Variants in KCNB2 observed in about 807,000 individuals in gnomAD.
KCNB2 encodes the protein potassium voltage-gated channel subfamily B member 2.
Under a neutral mutation model 61.5 loss-of-function variants are expected in KCNB2, and 15 were observed. The ratio of observed to expected loss-of-function variants is 0.24; its 90% CI spans 0.16 to 0.38. The LOEUF is 0.38. Among genes scored for constraint, KCNB2 ranks in the 10% least tolerant of loss-of-function variants. The pLI is 1.00. For synonymous variants in KCNB2, 457 were observed against 446.0 expected (o/e 1.02, Z -0.31); for missense variants, 828 against 1,125.2 (o/e 0.74, Z 3.78).
At chr8:72,819,971 T>C (rs777038035) in intron 2 of KCNB2, among the ~76,000 whole-genome samples, 66 of 152,266 alleles carry the variant, frequency 4.3e-4, no homozygotes, top group South Asian at 1.0e-3. Context: ...GGTTTTTTCC[T>C]GGCTCCCAAA....
chr8:72,889,635 C>T (rs1585954840), intron 2 of KCNB2, among the ~76,000 whole-genome samples: 1 of 151,988 alleles, frequency 6.6e-6, no homozygotes. Context: ...TGCAGTGAGC[C>T]AAGATCGTAC....
chr8:72,826,627 C>T (rs1809600481), intron 2 of KCNB2, among the ~76,000 whole-genome samples: 1 of 152,082 alleles, frequency 6.6e-6, no homozygotes, highest in East Asian at 1.9e-4. Context: ...AAATCTTTTC[C>T]TTTAGAGATT....
chr8:72,853,027 A>G (rs761182544), intron 2 of KCNB2, among the ~76,000 whole-genome samples: 3 of 152,274 alleles, frequency 2.0e-5, no homozygotes, highest in East Asian at 1.9e-4. Flanking sequence ...TTTCTATTCA[A>G]TTGTGTTGAA....
chr8:72,813,470 A>G (rs191054708), intron 2 of KCNB2, among the ~76,000 whole-genome samples: 69 of 152,288 alleles, frequency 4.5e-4, no homozygotes, highest in Admixed American at 1.4e-3. Context: ...GAAACAGTAA[A>G]GATTGTAAGG....
At chr8:72,698,280 AC>A (rs1387992943) in intron 2 of KCNB2, among the ~76,000 whole-genome samples, 1 of 152,116 alleles carries the variant, frequency 6.6e-6, no homozygotes, top group African/African-American at 2.4e-5. Flanking sequence ...ACACACACAC[AC>A]ACACAAATAC....
Position 72,623,979 on chromosome 8 carries a change from C to T in KCNB2, c.579+55666C>T, listed in dbSNP as rs536652600. 9.9e-5 allele frequency among the ~76,000 whole-genome samples: 15 copies of T among 152,194 alleles called. No homozygotes were observed. The South Asian group carries it at 1.9e-3, about 19-fold the overall frequency. ...CCCAGATGCTTGAGTGCTTCCTGAT[C>T]GGTGCATAAGCATGTGTTCATTAGT... On this transcript the variant is annotated intron_variant, in intron 2 of 2. Coordinates refer to ENST00000523207, the MANE Select transcript of KCNB2 (RefSeq NM_004770.3).
intron 2 of KCNB2, among the ~76,000 whole-genome samples, chr8:72,812,908 T>G (rs1809328535): frequency 6.6e-6 from 1 of 152,152 alleles, no homozygotes. Context: ...ATAAAGAAAT[T>G]TGGAAGCTTT....
intron 1 of KCNB2, among the ~76,000 whole-genome samples, chr8:72,565,265 CT>C (rs964583397): frequency 6.6e-6 from 1 of 151,984 alleles, no homozygotes; most frequent in Non-Finnish European, 1.5e-5. Flanking sequence ...TTTTCATTAC[CT>C]TGACTTATAT....
chr8:72,797,524 T>G (rs747956105), intron 2 of KCNB2, among the ~76,000 whole-genome samples: 6 of 152,230 alleles, frequency 3.9e-5, no homozygotes, highest in Non-Finnish European at 8.8e-5. Context: ...TTGATCAGTT[T>G]ATTTTTCCAC....
rs540366607 is a variant in KCNB2 at position 72,926,317 on chromosome 8, C to G, written c.580-9618C>G. ...AACCTAAAGTTCTTATTAGAATACTCTTTAACATGAGGAAATATTTTTTCC... is the reference window on the plus strand; with the variant it reads ...AACCTAAAGTTCTTATTAGAATACTGTTTAACATGAGGAAATATTTTTTCC... On this transcript the variant is annotated intron_variant, in intron 2 of 2. Coordinates refer to ENST00000523207, the MANE Select transcript of KCNB2 (RefSeq NM_004770.3). Among the ~76,000 whole-genome samples, 5 of 152,286 alleles carry G rather than the reference C, an allele frequency of 3.3e-5. No individual in the cohort carries two copies. The South Asian group carries it at 1.0e-3, about 32-fold the overall frequency.
At chr8:72,606,726 G>A (rs1302335232) in intron 2 of KCNB2, among the ~76,000 whole-genome samples, 1 of 152,144 alleles carries the variant, frequency 6.6e-6, no homozygotes, top group African/African-American at 2.4e-5. Context: ...GTCCCCACGG[G>A]GAAAAAGACC....
In KCNB2 at chr8:72,537,370, G is replaced by GCCCTCCGCCCTCCT. The variant is rs1806125945; in HGVS notation, c.-599_-598insTCCTCCCTCCGCCC. 1 of 147,612 alleles carries GCCCTCCGCCCTCCT rather than the reference G, an allele frequency of 6.8e-6. No homozygotes were observed. Among genetic ancestry groups the GCCCTCCGCCCTCCT allele is most frequent in the African/African-American group, 2.4e-5 (1 of 41,164 alleles). 9.1% of individuals were successfully genotyped at this position (147,612 alleles called of 1,614,324 possible). Reference sequence around the variant, plus strand: ...AAGCACCCACCGCCCTCCGCCCTCCGCCCTCCGCCCCCGCGGCCGCCGCCG... The same window carrying GCCCTCCGCCCTCCT: ...AAGCACCCACCGCCCTCCGCCCTCCGCCCTCCGCCCTCCTCCCTCCGCCCCCGCGGCCGCCGCCG... On this transcript the variant is annotated 5_prime_UTR_variant, in exon 1 of 3. Coordinates refer to ENST00000523207, the MANE Select transcript of KCNB2 (RefSeq NM_004770.3).
intron 2 of KCNB2, among the ~76,000 whole-genome samples, chr8:72,695,759 T>C (rs1807008550): frequency 6.6e-6 from 1 of 152,212 alleles, no homozygotes; most frequent in African/African-American, 2.4e-5. Context: ...AAACTGACTT[T>C]TGACACATCA....
intron 2 of KCNB2, among the ~76,000 whole-genome samples, chr8:72,647,542 A>G (rs543976463): frequency 1.2e-4 from 18 of 152,286 alleles, no homozygotes; most frequent in African/African-American, 4.3e-4. Context: ...GCTCAGTACT[A>G]TCAAAGATAA....
At chr8:72,572,703 C>T (rs1806730840) in intron 2 of KCNB2, among the ~76,000 whole-genome samples, 1 of 152,068 alleles carries the variant, frequency 6.6e-6, no homozygotes, top group Non-Finnish European at 1.5e-5. Context: ...GATTTCAACA[C>T]TTTTTTTCAT....
At chr8:72,831,358 G>A (rs1339672662) in intron 2 of KCNB2, among the ~76,000 whole-genome samples, 1 of 152,172 alleles carries the variant, frequency 6.6e-6, no homozygotes, top group Admixed American at 6.5e-5. Flanking sequence ...GAATGCCTTA[G>A]AAAGACACGA....
intron 2 of KCNB2, among the ~76,000 whole-genome samples, chr8:72,775,607 A>G (rs57986299): frequency 0.029 from 4,427 of 152,184 alleles, 149 homozygotes; most frequent in African/African-American, 0.075. Context: ...AAACAATCCA[A>G]TGGCAACACC....
chr8:72,908,124 A>G (rs958952286), intron 2 of KCNB2, among the ~76,000 whole-genome samples: 21 of 152,194 alleles, frequency 1.4e-4, no homozygotes, highest in Admixed American at 4.6e-4. Context: ...TGATTCTTTC[A>G]GCAGATATTT....
intron 2 of KCNB2, among the ~76,000 whole-genome samples, chr8:72,851,241 C>T (rs190147205): frequency 0.019 from 118 of 6,138 alleles, no homozygotes; most frequent in Non-Finnish European, 0.14. Flanking sequence ...ATCTCAAGTA[C>T]GTGTGAAACT....
Sources: gnomAD v4.1 joint callset for allele counts (sites outside exome capture counted in the v4.1 genomes callset) on GRCh38, gnomAD v4.1.1 for gene constraint, MANE v1.5 for transcripts, NCBI Gene and HGNC (gene_info 2026-07-23, HGNC 2026-07-21) for gene names.